The following RAB3IP variants were observed in gnomAD, a reference collection of about 807,000 sequenced individuals.
RAB3IP encodes rab-3A-interacting protein.
RAB3IP carries 36 observed loss-of-function variants against 59.1 expected under a neutral mutation model. That is an observed-to-expected ratio of 0.61 (90% CI 0.47 to 0.80). The LOEUF (loss-of-function observed/expected upper bound fraction) is 0.80. Among genes scored for constraint, RAB3IP ranks in the 30% least tolerant of loss-of-function variants. RAB3IP has a pLI of 0.00. For synonymous variants in RAB3IP, 207 were observed against 191.2 expected (o/e 1.08, Z -0.68); for missense variants, 511 against 536.0 (o/e 0.95, Z 0.46).
intron 4 of RAB3IP, among the ~76,000 whole-genome samples, chr12:69,787,123 A>C (rs1875811026): frequency 6.6e-6 from 1 of 152,088 alleles, no homozygotes. Flanking sequence ...TTCTGAATAA[A>C]CTCAATATGC....
At chr12:69,769,526 A>G (rs540616198) in intron 3 of RAB3IP, among the ~76,000 whole-genome samples, 9 of 152,274 alleles carry the variant, frequency 5.9e-5, no homozygotes, top group Non-Finnish European at 8.8e-5. Context: ...CCTCCCTGGT[A>G]TCTGGGGTGT....
rs941819310 is a variant in RAB3IP, at chr12:69,816,899, G to A, written c.*1453G>A. 2.6e-5 allele frequency: 4 copies of A among 152,090 alleles called. No homozygotes were observed. The highest frequency in any genetic ancestry group is 9.7e-5 in the African/African-American group (4 of 41,390). The allele number at this position is 152,090 out of a possible 1,614,324, so 9.4% of individuals were successfully genotyped here. On this transcript the variant is annotated 3_prime_UTR_variant, in exon 11 of 11. Coordinates refer to ENST00000247833, the MANE Select transcript of RAB3IP (RefSeq NM_022456.5). The stretch of plus-strand genomic sequence containing the variant: ...GGGAGCCCACAGACAAAAGGACATT[G>A]GTGTATGTTATGGTGAAAACCATCA...
chr12:69,801,656 T>C lies in RAB3IP; in HGVS notation c.1065T>C (p.Ile355=), dbSNP rs1878402065. 1 of 1,613,118 alleles carries C rather than the reference T, an allele frequency of 6.2e-7. No individual in the cohort carries two copies. The highest frequency in any genetic ancestry group is 8.5e-7 in the Non-Finnish European group (1 of 1,179,424). Residue 355 remains isoleucine (I), a synonymous_variant, in exon 8 of 11, where the codon ATT becomes ATC. Coordinates refer to ENST00000247833, the MANE Select transcript of RAB3IP (RefSeq NM_022456.5). Reference sequence around the variant, plus strand: ...CTGTGGAAAACAATACTCTAAGCATTGAACCAGTGGGATTACAACCTATCC... The same window carrying C: ...CTGTGGAAAACAATACTCTAAGCATCGAACCAGTGGGATTACAACCTATCC... The part of the protein sequence containing the change: ...LEAVENNTLS[I]EPVGLQPIRF...
intron 3 of RAB3IP, chr12:69,779,248 A>G (rs1415069950): frequency 1.4e-5 from 2 of 142,492 alleles, no homozygotes; most frequent in Non-Finnish European, 3.1e-5. Flanking sequence ...TTCCCAGGTG[A>G]GGCAATGCCT....
intron 3 of RAB3IP, among the ~76,000 whole-genome samples, chr12:69,761,628 G>A (rs1181193743): frequency 6.6e-6 from 1 of 152,142 alleles, no homozygotes; most frequent in Non-Finnish European, 1.5e-5. Flanking sequence ...ATGAGGATAA[G>A]GATTGCATAT....
At chr12:69,755,709 T>C (rs1313393635) in intron 2 of RAB3IP, 50 bp downstream of exon 2, 1 of 1,462,102 alleles carries the variant, frequency 6.8e-7, no homozygotes, top group Non-Finnish European at 9.4e-7. Flanking sequence ...ATGGACAGTT[T>C]GCTTAGTTAC....
At chr12:69,745,262 CTTTA>C (rs1473757310) in intron 1 of RAB3IP, among the ~76,000 whole-genome samples, 6 of 151,964 alleles carry the variant, frequency 3.9e-5, no homozygotes, top group East Asian at 1.9e-4. Flanking sequence ...AAACTTTGTT[CTTTA>C]TTTATTTTTT....
intron 3 of RAB3IP, among the ~76,000 whole-genome samples, chr12:69,770,561 C>A (rs1049678020): frequency 6.6e-6 from 1 of 152,168 alleles, no homozygotes; most frequent in Non-Finnish European, 1.5e-5. Context: ...AGAGGGCCAA[C>A]TGTATCTCTC....
intron 3 of RAB3IP, among the ~76,000 whole-genome samples, chr12:69,761,376 A>C (rs1157998568): frequency 1.3e-5 from 2 of 152,084 alleles, no homozygotes; most frequent in Admixed American, 6.5e-5. Context: ...TTTGTTTTTC[A>C]TTTCTAGGGG....
intron 3 of RAB3IP, among the ~76,000 whole-genome samples, chr12:69,782,776 A>T (rs1874958452): frequency 6.6e-6 from 1 of 150,648 alleles, no homozygotes; most frequent in South Asian, 2.1e-4. Flanking sequence ...TTCTTACCCC[A>T]GTCCATCATG....
chr12:69,784,804 A>G lies in RAB3IP; in HGVS notation c.595A>G (p.Ser199Gly), dbSNP rs1285277615. 18 of 1,600,382 alleles carry G rather than the reference A, an allele frequency of 1.1e-5. No individual in the cohort carries two copies. The highest frequency in any genetic ancestry group is 1.5e-5 in the Non-Finnish European group (17 of 1,170,522). Reference protein sequence around the residue: ...LGQELEELTASLFEEAHKMVR... With the variant: ...LGQELEELTAGLFEEAHKMVR... Reference sequence around the variant, plus strand: ...ACAGGAATTGGAAGAACTCACAGCTAGTCTATTTGAGGTTGGTCTATTTAC... The same window carrying G: ...ACAGGAATTGGAAGAACTCACAGCTGGTCTATTTGAGGTTGGTCTATTTAC... Residue 199 changes from serine to glycine, a missense_variant, in exon 4 of 11, where the codon AGT becomes GGT. Ser to Gly is a moderately conservative substitution (Grantham distance 56, BLOSUM62 0). Transcript: ENST00000247833.
intron 1 of RAB3IP, among the ~76,000 whole-genome samples, chr12:69,750,426 T>C (rs1834407699): frequency 6.6e-6 from 1 of 152,190 alleles, no homozygotes; most frequent in Non-Finnish European, 1.5e-5. Flanking sequence ...TAAAATTAAC[T>C]ATAATTCCTA....
chr12:69,768,386 C>T (rs531370281), intron 3 of RAB3IP, among the ~76,000 whole-genome samples: 18 of 152,232 alleles, frequency 1.2e-4, no homozygotes, highest in African/African-American at 2.4e-4. Context: ...ATGTCCATGA[C>T]GGGTGAGGTG....
intron 3 of RAB3IP, among the ~76,000 whole-genome samples, chr12:69,779,388 G>T (rs1341753814): frequency 1.3e-5 from 2 of 151,488 alleles, no homozygotes; most frequent in East Asian, 2.0e-4. Flanking sequence ...CGTCGCTCAC[G>T]CTGGTAGCTG....
intron 8 of RAB3IP, among the ~76,000 whole-genome samples, chr12:69,802,207 C>A (rs971071138): frequency 6.6e-6 from 1 of 151,826 alleles, no homozygotes. Flanking sequence ...AAATACTTCT[C>A]TCTGAGGGTG....
chr12:69,754,326 CAT>C (rs1869820405), intron 1 of RAB3IP, among the ~76,000 whole-genome samples: 1 of 131,494 alleles, frequency 7.6e-6, no homozygotes, highest in Non-Finnish European at 1.6e-5. Flanking sequence ...TACACACACA[CAT>C]ACACAGATAC....
At chr12:69,773,361 A>C (rs1256777690) in intron 3 of RAB3IP, among the ~76,000 whole-genome samples, 1 of 54,390 alleles carries the variant, frequency 1.8e-5, no homozygotes, top group Admixed American at 1.6e-4. Context: ...ATGTTCTGTT[A>C]TTATTTTTTT....
chr12:69,773,399 CTTTTTTTTTTTTTTT>C (rs71437123), intron 3 of RAB3IP, among the ~76,000 whole-genome samples: 1 of 48,002 alleles, frequency 2.1e-5, no homozygotes, highest in Non-Finnish European at 3.7e-5. Context: ...ATTTGTCTTT[CTTTTTTTTTTTTTTT>C]TTTTTTTTTA....
chr12:69,775,419 G>A (rs1478063985), intron 3 of RAB3IP, among the ~76,000 whole-genome samples: 4,360 of 134,744 alleles, frequency 0.032, 192 homozygotes, highest in African/African-American at 0.12. Context: ...TCTTCTGCCT[G>A]ATTGCCCTGG....
Sources: gnomAD v4.1 joint callset for allele counts (sites outside exome capture counted in the v4.1 genomes callset) on GRCh38, gnomAD v4.1.1 for gene constraint, MANE v1.5 for transcripts, NCBI Gene and HGNC (gene_info 2026-07-23, HGNC 2026-07-21) for gene names.